PCDHGA12: variants seen among roughly 807,000 people sequenced by gnomAD.
The protein encoded by PCDHGA12 is protocadherin gamma subfamily A, 12.
PCDHGA12 carries 43 observed loss-of-function variants against 61.1 expected under a neutral mutation model. That is an observed-to-expected ratio of 0.70 (90% CI 0.55 to 0.91). PCDHGA12 has a LOEUF of 0.91. Among genes scored for constraint, PCDHGA12 ranks in the 40% least tolerant of loss-of-function variants. The pLI is 0.00. For missense variants in PCDHGA12, 1,236 were observed against 1,227.7 expected (o/e 1.01, Z -0.10); for synonymous variants, 520 against 542.9 (o/e 0.96, Z 0.59).
At chr5:141,439,473 G>T (rs1414737627) in intron 1 of PCDHGA12, among the ~76,000 whole-genome samples, 2 of 152,202 alleles carry the variant, frequency 1.3e-5, no homozygotes, top group South Asian at 2.1e-4. Context: ...CTGCCTTTCA[G>T]CTTGCAAATT....
chr5:141,438,659 T>C (rs1290256383), intron 1 of PCDHGA12, among the ~76,000 whole-genome samples: 1 of 141,194 alleles, frequency 7.1e-6, no homozygotes, highest in East Asian at 2.1e-4. Flanking sequence ...CACATATATG[T>C]ATATATATAT....
At position 141,477,130 on chromosome 5, in the gene PCDHGA12, G is replaced by C; in HGVS notation, c.2425-17677G>C. On this transcript the variant is annotated intron_variant, in intron 1 of 3. Coordinates refer to ENST00000252085, the MANE Select transcript of PCDHGA12 (RefSeq NM_003735.3). The surrounding 1 kb of genome is among the most constrained non-coding windows in gnomAD (Gnocchi z 4.9). ...ATCCCGAAGGAGCACATTGCAAAGT[G>C]TTGGTGGAGGTTGTGGATGTGAATG... 6.2e-7 allele frequency: 1 copy of C among 1,614,252 alleles called. No individual in the cohort carries two copies. The highest frequency in any genetic ancestry group is 2.2e-5 in the East Asian group (1 of 44,888).
Position 141,430,559 on chromosome 5 carries a change from G to C in PCDHGA12, c.-201G>C. 1 of 418,772 alleles carries C rather than the reference G, an allele frequency of 2.4e-6. No individual in the cohort carries two copies. 25.9% of individuals were successfully genotyped at this position (418,772 alleles called of 1,614,324 possible). Reference sequence around the variant, plus strand: ...CTGAGCGCCGCTGTTCACCAATCGGGGAGAGAAAAGCGGAGATCCTGCTCG... The same window carrying C: ...CTGAGCGCCGCTGTTCACCAATCGGCGAGAGAAAAGCGGAGATCCTGCTCG... On this transcript the variant is annotated 5_prime_UTR_variant, in exon 1 of 4. Coordinates refer to ENST00000252085, the MANE Select transcript of PCDHGA12 (RefSeq NM_003735.3).
rs368512862 is a variant in PCDHGA12 at position 141,491,734 on chromosome 5, G to T, written c.2425-3073G>T. ...CTCGGCGCCGCCCCGGGCGACCCCT[G>T]GGGGCGGCACTGGAGAAGCCGCCCG... On this transcript the variant is annotated intron_variant, in intron 1 of 3. Transcript: ENST00000252085. The surrounding 1 kb of genome is among the most constrained non-coding windows in gnomAD (Gnocchi z 6.9). 2.5e-4 allele frequency: 403 copies of T among 1,602,056 alleles called. No individual in the cohort carries two copies. Among genetic ancestry groups the T allele is most frequent in the Non-Finnish European group, 3.2e-4 (380 of 1,174,948 alleles).
At position 141,432,455 on chromosome 5, in the gene PCDHGA12, G is replaced by A; in HGVS notation, c.1696G>A (p.Ala566Thr). The A allele has an allele frequency of 6.2e-7, 1 of 1,614,176 alleles. No individual in the cohort carries two copies. The highest frequency in any genetic ancestry group is 8.5e-7 in the Non-Finnish European group (1 of 1,180,042). Residue 566 changes from alanine to threonine, a missense_variant, in exon 1 of 4, where the codon GCC (alanine) becomes ACC (threonine). By Grantham distance (58) the Ala-to-Thr change is moderately conservative (BLOSUM62 0). Transcript: ENST00000252085. The surrounding 1 kb of genome is among the most constrained non-coding windows in gnomAD (Gnocchi z 6.0). ...CAATGCGCCCGAGATCCTGTACCCCGCCCTCCCCACGGACGGTTCCACTGG... is the reference window on the plus strand; with the variant it reads ...CAATGCGCCCGAGATCCTGTACCCCACCCTCCCCACGGACGGTTCCACTGG... ...NDNAPEILYP[A>T]LPTDGSTGVE...
intron 1 of PCDHGA12, among the ~76,000 whole-genome samples, chr5:141,467,955 G>A (rs1049980375): frequency 2.0e-5 from 3 of 151,666 alleles, no homozygotes; most frequent in Non-Finnish European, 2.9e-5. Context: ...CACCACACCC[G>A]GCTGCCAGAA....
chr5:141,433,358 C>CCTATCTATCTATCTATCTAT (rs3074541), intron 1 of PCDHGA12, 175 bp downstream of exon 1: 39 of 504,044 alleles, frequency 7.7e-5, no homozygotes, highest in Admixed American at 1.8e-4. Context: ...CTACTGTCTG[C>CCTATCTATCTATCTATCTAT]CTATCTATCT....
intron 1 of PCDHGA12, chr5:141,440,359 G>T (rs932656332): frequency 5.3e-5 from 8 of 152,106 alleles, no homozygotes; most frequent in Non-Finnish European, 1.2e-4. Context: ...CTAGCTACTC[G>T]GGGGGCCGAG....
In PCDHGA12 at chr5:141,431,370, A is replaced by G; in HGVS notation, c.611A>G (p.Glu204Gly). ...CTGAAACGCGCCCTGGACCGCGAAG[A>G]AAAGGCTGCTCACCACCTGGTCCTT... is the stretch of plus-strand genomic sequence containing the variant. ...LVLKRALDRE[E>G]KAAHHLVLTA... is the part of the protein sequence containing the mutation. Residue 204 changes from glutamate to glycine, a missense_variant, in exon 1 of 4, where the codon GAA becomes GGA. Glu to Gly is a moderately conservative substitution (Grantham distance 98, BLOSUM62 -2). Coordinates refer to ENST00000252085, the MANE Select transcript of PCDHGA12 (RefSeq NM_003735.3). The surrounding 1 kb of genome is among the most constrained non-coding windows in gnomAD (Gnocchi z 4.8). 1 of 1,613,946 alleles carries G rather than the reference A, an allele frequency of 6.2e-7. No homozygotes were observed. The highest frequency in any genetic ancestry group is 8.5e-7 in the Non-Finnish European group (1 of 1,180,014).
chr5:141,489,334 C>T lies in PCDHGA12; in HGVS notation c.2425-5473C>T, dbSNP rs768635851. On this transcript the variant is annotated intron_variant, in intron 1 of 3. Transcript: ENST00000252085. This position sits in a 1 kb window ranked among gnomAD's most constrained non-coding sequence, Gnocchi z 4.5. ...CTGGGGCTGGGTGTCTGGGCAGCTTCGTTACTCAGTGGTGGAGGAGTCTGA... is the reference window on the plus strand; with the variant it reads ...CTGGGGCTGGGTGTCTGGGCAGCTTTGTTACTCAGTGGTGGAGGAGTCTGA... The T allele has an allele frequency of 3.7e-6, 6 of 1,606,732 alleles. No individual in the cohort carries two copies. The highest frequency in any genetic ancestry group is 1.1e-5 in the South Asian group (1 of 90,048).
chr5:141,483,869 G>A (rs2099587910), intron 1 of PCDHGA12, among the ~76,000 whole-genome samples: 1 of 152,126 alleles, frequency 6.6e-6, no homozygotes, highest in South Asian at 2.1e-4. Flanking sequence ...GTCCAGATCA[G>A]GATGGATTTT....
At chr5:141,478,891 A>G (rs1045274228) in intron 1 of PCDHGA12, 10 of 1,122,064 alleles carry the variant, frequency 8.9e-6, no homozygotes, top group Admixed American at 3.1e-5. Context: ...TATCATTTAC[A>G]TTAGGAATAA....
chr5:141,497,512 T>C (rs903352739), intron 2 of PCDHGA12, among the ~76,000 whole-genome samples: 2 of 151,896 alleles, frequency 1.3e-5, no homozygotes, highest in Admixed American at 1.3e-4. Flanking sequence ...TCTGCTTCCT[T>C]AGTTAACTTG....
intron 2 of PCDHGA12, among the ~76,000 whole-genome samples, chr5:141,500,587 C>T (rs1418158417): frequency 6.6e-5 from 10 of 152,170 alleles, no homozygotes; most frequent in South Asian, 2.1e-4. Flanking sequence ...ACACTTTATT[C>T]ACATATTAAG....
chr5:141,445,129 A>G (rs1405841381), intron 1 of PCDHGA12, among the ~76,000 whole-genome samples: 3 of 152,226 alleles, frequency 2.0e-5, no homozygotes, highest in Non-Finnish European at 4.4e-5. Context: ...TATTTTTAAA[A>G]TTGTATCTTC....
At chr5:141,500,446 T>C (rs2099800320) in intron 2 of PCDHGA12, among the ~76,000 whole-genome samples, 1 of 152,002 alleles carries the variant, frequency 6.6e-6, no homozygotes, top group South Asian at 2.1e-4. Context: ...CCTGACCTCG[T>C]GATCCGCCCG....
rs61612330 is a variant in PCDHGA12, at chr5:141,454,796, A to ATTTTTTTTTTTTTTTTT, written c.2424+21626_2424+21642dup. Among the ~76,000 whole-genome samples the ATTTTTTTTTTTTTTTTT allele has an allele frequency of 1.9e-3, 147 of 77,454 alleles. 11 individuals carry two copies. Among genetic ancestry groups the ATTTTTTTTTTTTTTTTT allele is most frequent in the Middle Eastern group, 0.017 (2 of 120 alleles). 50.8% of individuals were successfully genotyped at this position (77,454 alleles called of 152,430 possible). ...AAGGAAATAATCCTCCATGGTTCTA[A>ATTTTTTTTTTTTTTTTT]TTTTTTTTTTTTTTTTTTTTTTTTT... On this transcript the variant is annotated intron_variant, in intron 1 of 3. Coordinates refer to ENST00000252085, the MANE Select transcript of PCDHGA12 (RefSeq NM_003735.3).
chr5:141,478,336 C>T, intron 1 of PCDHGA12: 2 of 1,613,950 alleles, frequency 1.2e-6, no homozygotes, highest in South Asian at 2.2e-5. Context: ...CACCAGGGCC[C>T]TCCTTGCACG....
chr5:141,501,331 A>T (rs1024837974), intron 2 of PCDHGA12, among the ~76,000 whole-genome samples: 2 of 138,846 alleles, frequency 1.4e-5, no homozygotes, highest in Non-Finnish European at 1.6e-5. Flanking sequence ...ACACACACAC[A>T]CACCCCAAAC....
Sources: gnomAD v4.1 joint callset for allele counts (sites outside exome capture counted in the v4.1 genomes callset) on GRCh38, gnomAD v4.1.1 for gene constraint, Gnocchi (gnomAD v3.1) non-coding constraint, MANE v1.5 for transcripts, NCBI Gene and HGNC (gene_info 2026-07-23, HGNC 2026-07-21) for gene names.